The following CACNA2D3 variants were observed in gnomAD, a reference collection of about 807,000 sequenced individuals.
CACNA2D3 encodes calcium voltage-gated channel auxiliary subunit alpha2delta 3.
In CACNA2D3, 60 loss-of-function variants were observed where a neutral mutation model predicts 160.6. The observed-to-expected ratio is 0.37, with a 90% CI of 0.30 to 0.46. The LOEUF is 0.46. Ranked by LOEUF, CACNA2D3 falls within the 20% of genes least tolerant of loss-of-function variation. CACNA2D3 has a pLI of 1.00. For missense variants in CACNA2D3, 1,205 were observed against 1,365.0 expected, an observed-to-expected ratio of 0.88 and a Z score of 1.85; for synonymous variants, 558 against 492.9, an observed-to-expected ratio of 1.13 and a Z score of -1.75.
chr3:54,631,970 G>C (rs1331452526), intron 10 of CACNA2D3, among the ~76,000 whole-genome samples: 1 of 152,168 alleles, frequency 6.6e-6, no homozygotes, highest in Non-Finnish European at 1.5e-5. Context: ...TAAATGTCAG[G>C]ATGCATTGAA....
chr3:54,706,641 C>T (rs1700862004), intron 11 of CACNA2D3, among the ~76,000 whole-genome samples: 2 of 152,142 alleles, frequency 1.3e-5, no homozygotes, highest in Admixed American at 1.3e-4. Flanking sequence ...TATGAGTTTG[C>T]TTCTCTTCAA....
chr3:54,514,440 C>T (rs1449179853), intron 5 of CACNA2D3, among the ~76,000 whole-genome samples: 1 of 152,190 alleles, frequency 6.6e-6, no homozygotes, highest in Non-Finnish European at 1.5e-5. Context: ...ACACTGCCAC[C>T]ATCTATTGAT....
At chr3:54,628,832 C>G (rs1414824959) in intron 10 of CACNA2D3, among the ~76,000 whole-genome samples, 1 of 152,036 alleles carries the variant, frequency 6.6e-6, no homozygotes. Flanking sequence ...GGGGTGACAT[C>G]AGCGCCGAGT....
At chr3:54,782,362 G>A (rs1702552443) in intron 13 of CACNA2D3, among the ~76,000 whole-genome samples, 1 of 152,128 alleles carries the variant, frequency 6.6e-6, no homozygotes, top group Admixed American at 6.5e-5. Context: ...TCATAGAATT[G>A]TGAAGATTTA....
chr3:54,605,391 T>G (rs1465657929), intron 9 of CACNA2D3, among the ~76,000 whole-genome samples: 1 of 152,188 alleles, frequency 6.6e-6, no homozygotes, highest in African/African-American at 2.4e-5. Context: ...CCTTATCCTA[T>G]TGTGGACTCA....
At chr3:54,689,364 T>A (rs1357875342) in intron 11 of CACNA2D3, among the ~76,000 whole-genome samples, 1 of 152,170 alleles carries the variant, frequency 6.6e-6, no homozygotes, top group Non-Finnish European at 1.5e-5. Context: ...AGGGATGGTG[T>A]GATCTGGTCC....
In CACNA2D3 at chr3:54,809,785, C is replaced by A. The variant is rs533522046; in HGVS notation, c.1381-7068C>A. Among the ~76,000 whole-genome samples, 4 of 151,106 alleles carry A rather than the reference C, an allele frequency of 2.6e-5. No homozygotes were observed. In the South Asian group the frequency reaches 8.4e-4, roughly 32 times the overall value. The stretch of plus-strand genomic sequence containing the variant: ...CTTTTTTTCTTTCTTTCCCATTTCC[C>A]TCTTTCCCTCCTTCCTTCTTTTCAA... On this transcript the variant is annotated intron_variant, in intron 13 of 37. Coordinates refer to ENST00000474759, the MANE Select transcript of CACNA2D3 (RefSeq NM_018398.3).
At chr3:54,172,213 T>C (rs1388482583) in intron 2 of CACNA2D3, among the ~76,000 whole-genome samples, 1 of 152,252 alleles carries the variant, frequency 6.6e-6, no homozygotes, top group Non-Finnish European at 1.5e-5. Context: ...GCTGCCAGTG[T>C]AAATCCACAT....
chr3:55,002,248 C>T (rs775124587), intron 31 of CACNA2D3, among the ~76,000 whole-genome samples: 2 of 152,180 alleles, frequency 1.3e-5, no homozygotes, highest in Non-Finnish European at 2.9e-5. Flanking sequence ...TATGAGACTC[C>T]AAGCACATGC....
chr3:54,447,067 A>G (rs1333869383), intron 4 of CACNA2D3, among the ~76,000 whole-genome samples: 2 of 152,188 alleles, frequency 1.3e-5, no homozygotes, highest in Admixed American at 6.5e-5. Flanking sequence ...CATGTTTTCA[A>G]ATGTTGTGGA....
chr3:54,696,449 AT>A (rs1700668402), intron 11 of CACNA2D3, among the ~76,000 whole-genome samples: 1 of 152,152 alleles, frequency 6.6e-6, no homozygotes, highest in South Asian at 2.1e-4. Flanking sequence ...TCATCAGCTG[AT>A]TTTGTAATTC....
chr3:54,592,980 G>C (rs763351300), intron 9 of CACNA2D3, among the ~76,000 whole-genome samples: 4 of 152,134 alleles, frequency 2.6e-5, no homozygotes, highest in Non-Finnish European at 5.9e-5. Context: ...AGTGATACTG[G>C]GGTGAGGGGT....
intron 2 of CACNA2D3, among the ~76,000 whole-genome samples, chr3:54,176,137 G>A (rs1332451459): frequency 6.6e-6 from 1 of 152,146 alleles, no homozygotes; most frequent in Non-Finnish European, 1.5e-5. Flanking sequence ...GTATTTTGGG[G>A]TGTCAGTTTC....
At position 54,506,170 on chromosome 3, in the gene CACNA2D3, C is replaced by CT. The variant is rs373033658; in HGVS notation, c.544+2526dup. ...CTAATTCAAAACAGCCCCTAACAGC[C>CT]TTTTTTTTTTGTTTTCCTTTTCAAG... On this transcript the variant is annotated intron_variant, in intron 5 of 37. Coordinates refer to ENST00000474759, the MANE Select transcript of CACNA2D3 (RefSeq NM_018398.3). Among the ~76,000 whole-genome samples the CT allele has an allele frequency of 4.5e-3, 671 of 149,778 alleles. 4 individuals are homozygous for CT. The highest frequency in any genetic ancestry group is 0.022 in the East Asian group (111 of 5,096).
chr3:54,918,633 A>G, intron 27 of CACNA2D3: 2 of 1,614,184 alleles, frequency 1.2e-6, no homozygotes, highest in Non-Finnish European at 1.7e-6. Flanking sequence ...TGATGATGAC[A>G]GTGGCAATGG....
chr3:54,494,000 G>A (rs1701157940), intron 4 of CACNA2D3, among the ~76,000 whole-genome samples: 2 of 152,194 alleles, frequency 1.3e-5, no homozygotes, highest in Admixed American at 1.3e-4. Flanking sequence ...GCCTGGGCCT[G>A]GGCCAGTATC....
chr3:54,768,827 G>T (rs55685201), intron 13 of CACNA2D3, among the ~76,000 whole-genome samples: 2,640 of 152,256 alleles, frequency 0.017, 37 homozygotes, highest in Non-Finnish European at 0.029. Flanking sequence ...GCCCAACATT[G>T]TTGCTGTGCT....
At chr3:54,925,243 A>G (rs1700981838) in intron 27 of CACNA2D3, 1 of 1,578,094 alleles carries the variant, frequency 6.3e-7, no homozygotes, top group Non-Finnish European at 8.7e-7. Context: ...AAATTGGGAT[A>G]GGAACCAGTT....
At chr3:54,930,735 G>A (rs569169853) in intron 27 of CACNA2D3, among the ~76,000 whole-genome samples, 33 of 152,310 alleles carry the variant, frequency 2.2e-4, no homozygotes, top group Admixed American at 3.9e-4. Flanking sequence ...TACCTACCTC[G>A]CCGGAGGCAG....
Sources: gnomAD v4.1 joint callset for allele counts (sites outside exome capture counted in the v4.1 genomes callset) on GRCh38, gnomAD v4.1.1 for gene constraint, MANE v1.5 for transcripts, NCBI Gene and HGNC (gene_info 2026-07-23, HGNC 2026-07-21) for gene names.